Variants in DLG2 observed in about 807,000 individuals in gnomAD.
DLG2 encodes the protein disks large homolog 2.
In DLG2, 45 loss-of-function variants were observed where a neutral mutation model predicts 132.5. The observed-to-expected ratio is 0.34, with a 90% confidence interval of 0.27 to 0.44. The LOEUF (loss-of-function observed/expected upper bound fraction) is 0.44. Among genes scored for constraint, DLG2 ranks in the 20% least tolerant of loss-of-function variants. The pLI is 1.00. For synonymous variants in DLG2, 424 were observed against 419.6 expected (o/e 1.01, Z -0.13); for missense variants, 1,045 against 1,196.9 (o/e 0.87, Z 1.87).
chr11:84,830,759 G>C (rs1279669890), intron 6 of DLG2, among the ~76,000 whole-genome samples: 1 of 151,486 alleles, frequency 6.6e-6, no homozygotes, highest in African/African-American at 2.4e-5. Flanking sequence ...TAGATTCCTA[G>C]AGAAAACCAA....
intron 6 of DLG2, among the ~76,000 whole-genome samples, chr11:84,870,683 T>C (rs1389177598): frequency 1.3e-5 from 2 of 152,214 alleles, no homozygotes; most frequent in African/African-American, 4.8e-5. Context: ...GTGTACATAA[T>C]ACACACATTT....
intron 11 of DLG2, among the ~76,000 whole-genome samples, chr11:84,039,433 T>C (rs1301471113): frequency 2.4e-5 from 3 of 127,244 alleles, no homozygotes; most frequent in Admixed American, 8.9e-5. Flanking sequence ...TGTGATCTCA[T>C]TGTTCAATTC....
chr11:83,715,619 G>T (rs1215729936), intron 18 of DLG2, among the ~76,000 whole-genome samples: 1 of 152,066 alleles, frequency 6.6e-6, no homozygotes, highest in East Asian at 1.9e-4. Flanking sequence ...TCCCTTTCCT[G>T]CTTAAAACCA....
intron 6 of DLG2, among the ~76,000 whole-genome samples, chr11:85,019,538 T>C (rs2059854755): frequency 6.6e-6 from 1 of 152,182 alleles, no homozygotes; most frequent in Non-Finnish European, 1.5e-5. Context: ...GTTACATATG[T>C]ATATATGTGC....
chr11:83,894,070 G>A (rs2070806238), intron 15 of DLG2, among the ~76,000 whole-genome samples: 1 of 152,086 alleles, frequency 6.6e-6, no homozygotes, highest in Non-Finnish European at 1.5e-5. Context: ...CCACATATGT[G>A]CCAGGAAACA....
chr11:84,833,034 A>T (rs1347330167), intron 6 of DLG2, among the ~76,000 whole-genome samples: 1 of 148,118 alleles, frequency 6.8e-6, no homozygotes, highest in African/African-American at 2.5e-5. Context: ...ATTTTTAATA[A>T]GCAAAGTCAA....
At chr11:83,937,538 C>T (rs1234528811) in intron 14 of DLG2, among the ~76,000 whole-genome samples, 1 of 147,562 alleles carries the variant, frequency 6.8e-6, no homozygotes, top group Non-Finnish European at 1.5e-5. Context: ...AAATTGAAAC[C>T]ACTGAAGCAA....
chr11:83,987,925 T>A (rs906434354), intron 11 of DLG2, among the ~76,000 whole-genome samples: 1 of 152,188 alleles, frequency 6.6e-6, no homozygotes, highest in Non-Finnish European at 1.5e-5. Flanking sequence ...GTTGGCAGCA[T>A]GGGTGTCTTC....
intron 6 of DLG2, among the ~76,000 whole-genome samples, chr11:84,698,841 A>T (rs1565694764): frequency 6.6e-6 from 1 of 151,572 alleles, no homozygotes; most frequent in Admixed American, 6.6e-5. Flanking sequence ...TTCTTACAGG[A>T]CATTTTAGGT....
At chr11:84,109,157 A>G (rs1037037911) in intron 9 of DLG2, among the ~76,000 whole-genome samples, 1 of 152,222 alleles carries the variant, frequency 6.6e-6, no homozygotes, top group Non-Finnish European at 1.5e-5. Flanking sequence ...TGCTTGCTAT[A>G]TATCAGATAC....
intron 3 of DLG2, among the ~76,000 whole-genome samples, chr11:85,506,501 T>C (rs1340601412): frequency 1.3e-5 from 2 of 152,234 alleles, no homozygotes; most frequent in Non-Finnish European, 2.9e-5. Context: ...AGCAAGTTGT[T>C]CAGTTTCTGC....
At position 84,459,056 on chromosome 11, in the gene DLG2, G is replaced by C. The variant is rs185082793; in HGVS notation, c.519+75514C>G. ...TGGAGTCAGAGTTTGAACTCCAGCA[G>C]TCCCTAAGCCTGCACTCTTAACTAC... On this transcript the variant is annotated intron_variant, in intron 7 of 27. Coordinates refer to ENST00000376104, the MANE Select transcript of DLG2 (RefSeq NM_001142699.3). Among the ~76,000 whole-genome samples, 75 of 150,718 alleles carry C rather than the reference G, an allele frequency of 5.0e-4. 1 individual carries two copies. Among genetic ancestry groups the C allele is most frequent in the Non-Finnish European group, 7.5e-5 (5 of 66,984 alleles).
chr11:84,723,063 T>A (rs770611012), intron 6 of DLG2, among the ~76,000 whole-genome samples: 1 of 152,204 alleles, frequency 6.6e-6, no homozygotes, highest in Non-Finnish European at 1.5e-5. Context: ...GTGTGAGCAC[T>A]CCCACCTACA....
intron 19 of DLG2, chr11:83,631,717 C>G (rs1379989541): frequency 1.3e-5 from 2 of 152,102 alleles, no homozygotes; most frequent in African/African-American, 4.8e-5. Flanking sequence ...TGCATTCTAT[C>G]TCTTAATAAG....
chr11:84,870,564 A>G (rs2085317613), intron 6 of DLG2, among the ~76,000 whole-genome samples: 2 of 152,188 alleles, frequency 1.3e-5, no homozygotes, highest in South Asian at 4.1e-4. Flanking sequence ...TCACTTCTGA[A>G]TCACTCTCCA....
intron 21 of DLG2, among the ~76,000 whole-genome samples, chr11:83,517,514 C>G (rs10898132): frequency 0.35 from 53,845 of 152,102 alleles, 9,649 homozygotes; most frequent in Middle Eastern, 0.46. Flanking sequence ...GCCTTCTTCT[C>G]TCAACTCATC....
At chr11:84,182,539 A>AAAG (rs1477179111) in intron 8 of DLG2, among the ~76,000 whole-genome samples, 1 of 150,028 alleles carries the variant, frequency 6.7e-6, no homozygotes, top group African/African-American at 2.5e-5. Flanking sequence ...AAAAAAGAAA[A>AAAG]AAAAAGAAAA....
chr11:83,486,330 C>T, intron 21 of DLG2: 1 of 613,010 alleles, frequency 1.6e-6, no homozygotes, highest in South Asian at 1.9e-5. Flanking sequence ...TTAACTTCAA[C>T]ATCACCAATG....
intron 6 of DLG2, among the ~76,000 whole-genome samples, chr11:84,959,115 T>C (rs1477868342): frequency 1.3e-5 from 2 of 152,168 alleles, no homozygotes; most frequent in Non-Finnish European, 2.9e-5. Flanking sequence ...TTTGCTTTAA[T>C]GCTCAGGAAC....
Sources: gnomAD v4.1 joint callset for allele counts (sites outside exome capture counted in the v4.1 genomes callset) on GRCh38, gnomAD v4.1.1 for gene constraint, MANE v1.5 for transcripts, NCBI Gene and HGNC (gene_info 2026-07-23, HGNC 2026-07-21) for gene names.